Variants in STXBP5L observed in about 807,000 individuals in gnomAD.
The protein encoded by STXBP5L is syntaxin-binding protein 5-like.
STXBP5L carries 65 observed loss-of-function variants against 144.5 expected under a neutral mutation model. The ratio of observed to expected loss-of-function variants is 0.45; its 90% CI spans 0.37 to 0.55. STXBP5L has a LOEUF of 0.55. Ranked by LOEUF, STXBP5L falls within the 20% of genes least tolerant of loss-of-function variation. The pLI is 0.00. For synonymous variants in STXBP5L, 505 were observed against 469.6 expected (o/e 1.08, Z -0.97); for missense variants, 1,298 against 1,405.5 (o/e 0.92, Z 1.22).
rs2047358711 is a variant in STXBP5L, at chr3:121,421,839, G to A, written c.*2742G>A. On this transcript the variant is annotated 3_prime_UTR_variant, in exon 27 of 27. Coordinates refer to ENST00000471454, the MANE Select transcript of STXBP5L (RefSeq NM_001308330.2). ...TAGCACACCAATTGGAAGTAAACAG[G>A]TGCTTCTCAAATGCTTGAAAAGAAA... is the stretch of plus-strand genomic sequence containing the variant. 1 of 152,152 alleles carries A rather than the reference G, an allele frequency of 6.6e-6. No homozygotes were observed. Among genetic ancestry groups the A allele is most frequent in the Non-Finnish European group, 1.5e-5 (1 of 68,032 alleles). 9.4% of individuals were successfully genotyped at this position (152,152 alleles called of 1,614,324 possible).
chr3:121,333,870 A>C (rs1317886104), intron 20 of STXBP5L, among the ~76,000 whole-genome samples: 7 of 152,102 alleles, frequency 4.6e-5, no homozygotes, highest in Admixed American at 1.3e-4. Context: ...TCCAAAATTG[A>C]GTTTGTTAAT....
intron 5 of STXBP5L, among the ~76,000 whole-genome samples, chr3:121,107,278 GA>G (rs1278630863): frequency 2.0e-5 from 3 of 152,098 alleles, no homozygotes; most frequent in Non-Finnish European, 4.4e-5. Flanking sequence ...TTTTCATCAT[GA>G]AATCTTTGCC....
intron 5 of STXBP5L, among the ~76,000 whole-genome samples, chr3:121,067,166 A>C (rs897424646): frequency 6.6e-6 from 1 of 151,858 alleles, no homozygotes; most frequent in African/African-American, 2.4e-5. Context: ...TTTCTAGTTT[A>C]CTGATTTTTA....
chr3:121,176,195 T>C (rs1032292455), intron 9 of STXBP5L, among the ~76,000 whole-genome samples: 4 of 151,994 alleles, frequency 2.6e-5, no homozygotes, highest in Non-Finnish European at 5.9e-5. Context: ...TATCAACTGA[T>C]TGACCTAACT....
chr3:121,186,079 C>T (rs1381313092), intron 9 of STXBP5L, among the ~76,000 whole-genome samples: 1 of 152,074 alleles, frequency 6.6e-6, no homozygotes, highest in African/African-American at 2.4e-5. Context: ...GGAGTTCACT[C>T]ATGATTTGGC....
intron 21 of STXBP5L, among the ~76,000 whole-genome samples, chr3:121,379,106 T>A (rs893430348): frequency 4.0e-5 from 6 of 151,144 alleles, no homozygotes; most frequent in African/African-American, 1.5e-4. Context: ...TGCTTATAGG[T>A]AACTACCCCC....
chr3:121,403,570 T>A (rs771527587), intron 22 of STXBP5L, among the ~76,000 whole-genome samples: 9 of 152,162 alleles, frequency 5.9e-5, no homozygotes, highest in Non-Finnish European at 1.2e-4. Context: ...GCTGTATTAG[T>A]CATGGGCAAT....
intron 19 of STXBP5L, among the ~76,000 whole-genome samples, chr3:121,316,803 A>C (rs965388173): frequency 3.3e-5 from 5 of 152,160 alleles, no homozygotes; most frequent in African/African-American, 1.2e-4. Context: ...ATGGTCCCAG[A>C]TCTCTCACTC....
intron 9 of STXBP5L, among the ~76,000 whole-genome samples, chr3:121,190,873 G>T (rs1354141800): frequency 6.6e-6 from 1 of 151,794 alleles, no homozygotes; most frequent in Non-Finnish European, 1.5e-5. Flanking sequence ...GGTGGCGGCG[G>T]GGCAGAGACA....
At chr3:120,956,312 T>C (rs1472570187) in intron 3 of STXBP5L, among the ~76,000 whole-genome samples, 1 of 151,918 alleles carries the variant, frequency 6.6e-6, no homozygotes, top group African/African-American at 2.4e-5. Context: ...TCTACACCCA[T>C]TAAATTATAA....
intron 5 of STXBP5L, among the ~76,000 whole-genome samples, chr3:121,070,296 C>T (rs1446877133): frequency 6.6e-6 from 1 of 152,146 alleles, no homozygotes; most frequent in Non-Finnish European, 1.5e-5. Context: ...GCAACCTAAA[C>T]TTATTGGTAT....
intron 9 of STXBP5L, among the ~76,000 whole-genome samples, chr3:121,191,561 A>T (rs2047685049): frequency 6.6e-6 from 1 of 151,414 alleles, no homozygotes; most frequent in African/African-American, 2.4e-5. Flanking sequence ...AGGGAGAGGG[A>T]TAGGGAGATA....
intron 9 of STXBP5L, among the ~76,000 whole-genome samples, chr3:121,185,637 G>T (rs1290539410): frequency 1.3e-5 from 2 of 152,106 alleles, no homozygotes; most frequent in East Asian, 3.9e-4. Context: ...TGAGGGCTCT[G>T]TTCTGTTCCA....
At position 121,318,551 on chromosome 3, in the gene STXBP5L, G is replaced by A. The variant is rs1356079694; in HGVS notation, c.2176+11G>A. On this transcript the variant is annotated intron_variant, in intron 20 of 26. Transcript: ENST00000471454. ...AGTCTCCTACCTCAGGTAAACATGAGTGGTATTTTGCAGACTTCTGGTAAT... is the reference window on the plus strand; with the variant it reads ...AGTCTCCTACCTCAGGTAAACATGAATGGTATTTTGCAGACTTCTGGTAAT... The A allele has an allele frequency of 1.3e-6, 2 of 1,530,790 alleles. No homozygotes were observed. The highest frequency in any genetic ancestry group is 1.8e-6 in the Non-Finnish European group (2 of 1,136,646). The allele number at this position is 1,530,790 out of a possible 1,614,324, so 94.8% of individuals were successfully genotyped here.
rs768108676 is a variant in STXBP5L, at chr3:121,201,716, G to A, written c.878-4207G>A. Among the ~76,000 whole-genome samples, 7 of 151,870 alleles carry A rather than the reference G, an allele frequency of 4.6e-5. 1 individual carries two copies. The South Asian group carries it at 8.3e-4, about 18-fold the overall frequency. On this transcript the variant is annotated intron_variant, in intron 9 of 26. Coordinates refer to ENST00000471454, the MANE Select transcript of STXBP5L (RefSeq NM_001308330.2). Reference sequence around the variant, plus strand: ...GCTCTTGTAAGGCAGACCTGGTGGTGACAATATCCCTCAACATTTGCCTTG... The same window carrying A: ...GCTCTTGTAAGGCAGACCTGGTGGTAACAATATCCCTCAACATTTGCCTTG...
At chr3:121,114,780 C>A in intron 5 of STXBP5L, 145 bp from the exon 6 acceptor site, 1 of 459,454 alleles carries the variant, frequency 2.2e-6, no homozygotes, top group Non-Finnish European at 3.7e-6. Context: ...ATCCTATACT[C>A]TCAATGAATA....
At position 121,407,558 on chromosome 3, in the gene STXBP5L, C is replaced by T. The variant is rs767313617; in HGVS notation, c.2903C>T (p.Ala968Val). 30 of 1,613,168 alleles carry T rather than the reference C, an allele frequency of 1.9e-5. No individual in the cohort carries two copies. Among genetic ancestry groups the T allele is most frequent in the Admixed American group, 5.0e-5 (3 of 59,850 alleles). Residue 968 changes from alanine (A) to valine (V), a missense_variant, in exon 23 of 27, where the codon GCC becomes GTC. Physicochemically the swap from Ala to Val is moderately conservative, Grantham distance 64 (BLOSUM62 0). Transcript: ENST00000471454. ...QANVVVMCSS[A>V]CLACFCANGH... ...AATGTGGTGGTCATGTGTAGCAGTGCCTGCTTGGCATGCTTTTGTGCTAAC... is the reference window on the plus strand; with the variant it reads ...AATGTGGTGGTCATGTGTAGCAGTGTCTGCTTGGCATGCTTTTGTGCTAAC...
chr3:121,144,139 T>TA (rs3070611), intron 7 of STXBP5L, among the ~76,000 whole-genome samples: 11,124 of 134,412 alleles, frequency 0.083, 618 homozygotes, highest in African/African-American at 0.17. Context: ...AACTCAATAG[T>TA]AAAAAAAAAA....
At chr3:121,378,360 A>G (rs1208624488) in intron 20 of STXBP5L, among the ~76,000 whole-genome samples, 3 of 151,796 alleles carry the variant, frequency 2.0e-5, no homozygotes, top group African/African-American at 7.2e-5. Context: ...CTTCTATTCT[A>G]TCTTTTTAAA....
Sources: gnomAD v4.1 joint callset for allele counts (sites outside exome capture counted in the v4.1 genomes callset) on GRCh38, gnomAD v4.1.1 for gene constraint, MANE v1.5 for transcripts, NCBI Gene and HGNC (gene_info 2026-07-23, HGNC 2026-07-21) for gene names.